PPM1F: variants seen among roughly 807,000 people sequenced by gnomAD.
PPM1F encodes protein phosphatase, Mg2+/Mn2+ dependent 1F.
PPM1F carries 17 observed loss-of-function variants against 35.5 expected under a neutral mutation model. That is an observed-to-expected ratio of 0.48 (90% CI 0.33 to 0.72). The LOEUF (loss-of-function observed/expected upper bound fraction) is 0.72, where lower values mean the gene tolerates loss of function less well. Among genes scored for constraint, PPM1F ranks in the 30% least tolerant of loss-of-function variants. The probability of loss-of-function intolerance (pLI) is 0.02; values close to 1 mark genes in which losing one functional copy is unlikely to be tolerated. For synonymous variants in PPM1F, 241 were observed against 255.5 expected (o/e 0.94, Z 0.54); for missense variants, 521 against 613.0 (o/e 0.85, Z 1.59).
chr22:21,946,121 G>A lies in PPM1F; in HGVS notation c.-60-13C>T. On this transcript the variant is annotated splice_polypyrimidine_tract_variant and intron_variant, in intron 1 of 7. Transcript: ENST00000263212. ...TCCAGGCTTCACCCTGGGGAGAAAT[G>A]TCAGAGTCAGCAGAATCAGGGGGCC... The A allele has an allele frequency of 2.3e-6, 3 of 1,299,834 alleles. No individual in the cohort carries two copies. Among genetic ancestry groups the A allele is most frequent in the Non-Finnish European group, 1.0e-6 (1 of 969,574 alleles). 80.5% of individuals were successfully genotyped at this position (1,299,834 alleles called of 1,614,324 possible).
At chr22:21,933,347 A>T in intron 5 of PPM1F, 44 bp downstream of exon 5, 1 of 1,549,920 alleles carries the variant, frequency 6.5e-7, no homozygotes, top group Non-Finnish European at 8.8e-7. Flanking sequence ...TGGGACTCTC[A>T]CTGGCCTCCA....
chr22:21,932,603 G>T (rs542236461), intron 5 of PPM1F: 28 of 152,276 alleles, frequency 1.8e-4, no homozygotes, highest in African/African-American at 6.7e-4. Flanking sequence ...CTACAAGGAG[G>T]ACCTAGTGAA....
At chr22:21,937,896 G>T (rs979161379) in intron 3 of PPM1F, 4 of 343,456 alleles carry the variant, frequency 1.2e-5, no homozygotes, top group African/African-American at 6.8e-5. Context: ...GGGAGGGGCT[G>T]ACTGGCAGCC....
intron 2 of PPM1F, chr22:21,940,568 A>AACCT (rs1264630481): frequency 2.0e-5 from 3 of 152,240 alleles, no homozygotes; most frequent in African/African-American, 7.2e-5. Flanking sequence ...CTGGGGGATG[A>AACCT]ACCTACAAGC....
intron 1 of PPM1F, chr22:21,947,595 A>G (rs181891215): frequency 1.0e-3 from 158 of 152,366 alleles, no homozygotes; most frequent in African/African-American, 3.5e-3. Context: ...TTTGGGGAAC[A>G]GTTTCACAGC....
intron 2 of PPM1F, chr22:21,940,967 T>C (rs1033141785): frequency 6.6e-6 from 1 of 152,284 alleles, no homozygotes; most frequent in Non-Finnish European, 1.5e-5. Context: ...TGTGCAATCA[T>C]GGCTCGCTGC....
intron 4 of PPM1F, 57 bp from the exon 5 acceptor site, chr22:21,933,636 G>A: frequency 2.0e-6 from 3 of 1,511,732 alleles, no homozygotes; most frequent in Non-Finnish European, 2.7e-6. Context: ...CTCCCAGTGG[G>A]GCGTGGCGCC....
chr22:21,943,912 T>C (rs1270491396), intron 2 of PPM1F: 1 of 152,334 alleles, frequency 6.6e-6, no homozygotes, highest in African/African-American at 2.4e-5. Flanking sequence ...GGTCACCTCA[T>C]GCTTGGGCCA....
chr22:21,923,084 G>A lies in PPM1F; in HGVS notation c.*8C>T. 1 of 1,589,482 alleles carries A rather than the reference G, an allele frequency of 6.3e-7. No individual in the cohort carries two copies. The highest frequency in any genetic ancestry group is 1.8e-5 in the Admixed American group (1 of 55,712). ...GGAGGAAGGGGAGGGCAGGGGCCTG[G>A]AAACCACCTAGCTTCTTGGTGGAGC... On this transcript the variant is annotated 3_prime_UTR_variant, in exon 8 of 8. Coordinates refer to ENST00000263212, the MANE Select transcript of PPM1F (RefSeq NM_014634.4).
chr22:21,938,898 C>G (rs962463569), intron 3 of PPM1F: 1 of 154,274 alleles, frequency 6.5e-6, no homozygotes, highest in Non-Finnish European at 1.4e-5. Flanking sequence ...ATCTGCAGCC[C>G]TCTCCATTTC....
rs1250613364 is a variant in PPM1F at position 21,920,476 on chromosome 22, C to A, written c.*2616G>T. On this transcript the variant is annotated 3_prime_UTR_variant, in exon 8 of 8. Coordinates refer to ENST00000263212, the MANE Select transcript of PPM1F (RefSeq NM_014634.4). ...TGGAGGCTGAAGACACCTGGTGCTT[C>A]TTGGTGCAGTCCTGGTCAAGATGGA... 2 of 152,568 alleles carry A rather than the reference C, an allele frequency of 1.3e-5. No homozygotes were observed. Among genetic ancestry groups the A allele is most frequent in the East Asian group, 3.8e-4 (2 of 5,208 alleles). The allele number at this position is 152,568 out of a possible 1,614,324, so 9.5% of individuals were successfully genotyped here.
chr22:21,924,504 C>T (rs2070487422), intron 7 of PPM1F, among the ~76,000 whole-genome samples: 1 of 151,912 alleles, frequency 6.6e-6, no homozygotes, highest in Admixed American at 6.6e-5. Context: ...CTCCTGACCT[C>T]AGGTGATCCA....
intron 5 of PPM1F, among the ~76,000 whole-genome samples, chr22:21,933,117 G>T (rs765243478): frequency 6.6e-6 from 1 of 152,176 alleles, no homozygotes; most frequent in Non-Finnish European, 1.5e-5. Flanking sequence ...TCCCAGGAAC[G>T]CTTGACCACA....
intron 2 of PPM1F, chr22:21,941,504 GCT>G (rs1172999367): frequency 6.6e-6 from 1 of 152,378 alleles, no homozygotes; most frequent in African/African-American, 2.4e-5. Flanking sequence ...TGGGCAATGG[GCT>G]CTGTTTCCAC....
chr22:21,939,479 CTT>C lies in PPM1F; in HGVS notation c.355+51_355+52del. ...ATGGGCTTCCCACAATGTCGTCACC[CTT>C]TGTTGCCTGCTAAGCAGCCCTGGGG... is the stretch of plus-strand genomic sequence containing the variant. On this transcript the variant is annotated intron_variant, in intron 3 of 7. Coordinates refer to ENST00000263212, the MANE Select transcript of PPM1F (RefSeq NM_014634.4). This position sits in a 1 kb window ranked among gnomAD's most constrained non-coding sequence, Gnocchi z 5.1. 1.2e-6 allele frequency: 2 copies of C among 1,603,554 alleles called. No homozygotes were observed. Among genetic ancestry groups the C allele is most frequent in the Non-Finnish European group, 1.7e-6 (2 of 1,174,304 alleles).
chr22:21,933,365 C>A, intron 5 of PPM1F, 26 bp downstream of exon 5: 1 of 1,584,298 alleles, frequency 6.3e-7, no homozygotes, highest in Non-Finnish European at 8.6e-7. Context: ...CCAAACTGCA[C>A]CTGAGGCCCA....
At chr22:21,938,520 C>T (rs1026875134) in intron 3 of PPM1F, 121 of 1,077,150 alleles carry the variant, frequency 1.1e-4, no homozygotes, top group Non-Finnish European at 1.3e-4. Flanking sequence ...CTCTCTTCTC[C>T]CACCTTGTTC....
intron 1 of PPM1F, chr22:21,951,604 C>T (rs1186904245): frequency 1.3e-5 from 2 of 152,114 alleles, no homozygotes; most frequent in East Asian, 3.9e-4. Flanking sequence ...GCCTCGGCCT[C>T]CCAAAGTGCT....
intron 7 of PPM1F, among the ~76,000 whole-genome samples, chr22:21,923,979 C>T (rs935422836): frequency 6.6e-6 from 1 of 151,906 alleles, no homozygotes; most frequent in African/African-American, 2.4e-5. Flanking sequence ...TGAGCCACCA[C>T]ACCAGGCCGA....
Sources: allele counts gnomAD v4.1 joint callset (sites outside exome capture counted in the v4.1 genomes callset), GRCh38; gene constraint gnomAD v4.1.1; non-coding constraint Gnocchi (gnomAD v3.1); transcripts MANE v1.5; gene names NCBI Gene and HGNC (gene_info 2026-07-23, HGNC 2026-07-21).